Variants in FANCA observed in about 807,000 individuals in gnomAD.
FANCA encodes the protein Fanconi anemia group A protein.
A neutral mutation model predicts 194.3 loss-of-function variants in FANCA; 236 were observed. The observed-to-expected ratio is 1.21, with a 90% CI of 1.09 to 1.35. The LOEUF (loss-of-function observed/expected upper bound fraction) is 1.35, where lower values mean the gene tolerates loss of function less well. Ranked by LOEUF, FANCA falls within the 40% of genes most tolerant of loss-of-function variation. The pLI is 0.00. For missense variants in FANCA, 2,628 were observed against 1,813.9 expected, an observed-to-expected ratio of 1.45 and a Z score of -8.15; for synonymous variants, 1,014 against 715.8, an observed-to-expected ratio of 1.42 and a Z score of -6.65.
chr16:89,770,365 C>T (rs2039282327), intron 24 of FANCA, 106 bp from the exon 25 acceptor site: 6 of 1,160,362 alleles, frequency 5.2e-6, no homozygotes, highest in African/African-American at 1.5e-5. Flanking sequence ...AAGCTGTTCC[C>T]CAAAACAGTG....
rs780078944 is a variant in FANCA at position 89,774,729 on chromosome 16, C to CAAAA, written c.1900+1009_1900+1012dup. Among the ~76,000 whole-genome samples the CAAAA allele has an allele frequency of 8.1e-4, 18 of 22,180 alleles. 1 individual carries two copies. Among genetic ancestry groups the CAAAA allele is most frequent in the African/African-American group, 1.8e-3 (11 of 6,184 alleles). 14.6% of individuals were successfully genotyped at this position (22,180 alleles called of 152,430 possible). On this transcript the variant is annotated intron_variant, in intron 21 of 42. Transcript: ENST00000389301. The stretch of plus-strand genomic sequence containing the variant: ...TGGGCAACAGAGCGAGACTCTGTCT[C>CAAAA]AAAAAAAAAAAAAAAAAAAAAAAAA...
chr16:89,769,942 T>C lies in FANCA; in HGVS notation c.2399A>G (p.Glu800Gly), dbSNP rs2039264657. The C allele has an allele frequency of 3.1e-6, 5 of 1,613,980 alleles. No individual in the cohort carries two copies. Among genetic ancestry groups the C allele is most frequent in the Non-Finnish European group, 4.2e-6 (5 of 1,179,982 alleles). Residue 800 changes from glutamate (E) to glycine (G), a missense_variant, in exon 26 of 43, where the codon GAG (glutamate) becomes GGG (glycine). Coordinates refer to ENST00000389301, the MANE Select transcript of FANCA (RefSeq NM_000135.4). ...AGGTGCAGGAGGACCCACATCCACC[T>C]CTGGGAGCGCAGACCTGGACTCACC... ...HLGESRSALP[E>G]VDVGPPAPGA...
At position 89,791,118 on chromosome 16, in the gene FANCA, G is replaced by A. The variant is rs1396100274; in HGVS notation, c.1359+285C>T. ...AATTTTCTTATAAAAGACAGCAGGA[G>A]GCTCCGTCAACTAAGTGAGACAGAA... On this transcript the variant is annotated intron_variant, in intron 14 of 42. Coordinates refer to ENST00000389301, the MANE Select transcript of FANCA (RefSeq NM_000135.4). The A allele has an allele frequency of 1.3e-5, 6 of 471,442 alleles. No individual in the cohort carries two copies. The Admixed American group carries it at 2.0e-4, about 16-fold the overall frequency. 29.2% of individuals were successfully genotyped at this position (471,442 alleles called of 1,614,324 possible).
chr16:89,779,019 G>A lies in FANCA; in HGVS notation c.1716-16C>T, dbSNP rs942124383. On this transcript the variant is annotated splice_polypyrimidine_tract_variant and intron_variant, in intron 18 of 42. Transcript: ENST00000389301. ...CCTGAATATGCTGCAACACAGAGAAGCAGACAGTGCATCAGTCAGAGCAGC... is the reference window on the plus strand; with the variant it reads ...CCTGAATATGCTGCAACACAGAGAAACAGACAGTGCATCAGTCAGAGCAGC... The A allele has an allele frequency of 3.1e-6, 5 of 1,612,256 alleles. No individual in the cohort carries two copies. The highest frequency in any genetic ancestry group is 4.2e-6 in the Non-Finnish European group (5 of 1,179,584).
intron 2 of FANCA, among the ~76,000 whole-genome samples, chr16:89,814,885 G>A (rs1170860569): frequency 6.6e-6 from 1 of 151,944 alleles, no homozygotes; most frequent in African/African-American, 2.4e-5. Flanking sequence ...AGGCTGCAGT[G>A]AGCCGAGATC....
rs200403206 is a variant in FANCA, at chr16:89,770,654, A to T, written c.2152-20T>A. On this transcript the variant is annotated intron_variant, in intron 23 of 42. Transcript: ENST00000389301. ...CACAGCCTGCAGAGACACAGTTCTC[A>T]TGAGCGTGGTGTCCTGGGGACGGGA... is the stretch of plus-strand genomic sequence containing the variant. 175 of 1,590,898 alleles carry T rather than the reference A, an allele frequency of 1.1e-4. 1 individual carries two copies. The highest frequency in any genetic ancestry group is 3.6e-5 in the Non-Finnish European group (42 of 1,167,086).
chr16:89,777,882 C>G (rs946725123), intron 20 of FANCA, among the ~76,000 whole-genome samples: 12 of 152,022 alleles, frequency 7.9e-5, no homozygotes, highest in African/African-American at 2.2e-4. Flanking sequence ...AATGATGCAG[C>G]CGGGTGCGGT....
intron 30 of FANCA, among the ~76,000 whole-genome samples, chr16:89,753,194 C>T (rs963410706): frequency 3.9e-5 from 6 of 152,236 alleles, no homozygotes; most frequent in African/African-American, 1.4e-4. Context: ...GACGGGCCCC[C>T]TGTCCAGTGG....
chr16:89,790,871 C>T (rs955440375), intron 14 of FANCA, among the ~76,000 whole-genome samples: 1 of 151,826 alleles, frequency 6.6e-6, no homozygotes, highest in Non-Finnish European at 1.5e-5. Flanking sequence ...CTTCTGTCAC[C>T]CAGGCTGGCG....
At chr16:89,796,459 C>T (rs943948293) in intron 10 of FANCA, among the ~76,000 whole-genome samples, 1 of 152,176 alleles carries the variant, frequency 6.6e-6, no homozygotes, top group African/African-American at 2.4e-5. Flanking sequence ...GGGCCTCAAA[C>T]AGTCACAACA....
At chr16:89,782,765 A>C in intron 17 of FANCA, 94 bp downstream of exon 17, 1 of 1,122,598 alleles carries the variant, frequency 8.9e-7, no homozygotes, top group Admixed American at 1.8e-5. Flanking sequence ...GAGACTGGGA[A>C]GGCTGAAAAA....
intron 21 of FANCA, among the ~76,000 whole-genome samples, chr16:89,775,484 G>A (rs2039469315): frequency 6.6e-6 from 1 of 152,240 alleles, no homozygotes; most frequent in Admixed American, 6.5e-5. Context: ...AAGATGACGA[G>A]TGACAAAGTG....
chr16:89,805,576 A>G (rs1198670574), intron 6 of FANCA, among the ~76,000 whole-genome samples, 184 bp from the exon 7 acceptor site: 1 of 151,918 alleles, frequency 6.6e-6, no homozygotes, highest in Non-Finnish European at 1.5e-5. Flanking sequence ...CTTCCACCTC[A>G]GCCTCCTGAG....
At chr16:89,772,892 A>G (rs2039372243) in intron 22 of FANCA, among the ~76,000 whole-genome samples, 1 of 152,142 alleles carries the variant, frequency 6.6e-6, no homozygotes, top group East Asian at 1.9e-4. Flanking sequence ...GATTTTACAG[A>G]AAACCATCAC....
intron 1 of FANCA, 188 bp downstream of exon 1, chr16:89,816,349 C>T: frequency 3.1e-6 from 1 of 318,906 alleles, no homozygotes; most frequent in Non-Finnish European, 5.5e-6. Context: ...GGCGTCCGCC[C>T]AGGCGCAGGA....
In FANCA at chr16:89,808,312, A is replaced by T. The variant is rs543138994; in HGVS notation, c.578T>A (p.Leu193Gln). The change falls in exon 6 of 43, where the codon CTG becomes CAG. Residue 193 changes from leucine (L) to glutamine (Q), a missense_variant. Coordinates refer to ENST00000389301, the MANE Select transcript of FANCA (RefSeq NM_000135.4). ...WHLHVQGIVS[L>Q]QELLESHPDM... ...ACGCTACCTTTCCAGCAGCTCTTGC[A>T]GGCTCACAATGCCTTGTACGTGAAG... 6.2e-7 allele frequency: 1 copy of T among 1,614,146 alleles called. No homozygotes were observed. Among genetic ancestry groups the T allele is most frequent in the African/African-American group, 1.3e-5 (1 of 75,046 alleles).
At chr16:89,752,811 A>G (rs2143170001) in intron 30 of FANCA, among the ~76,000 whole-genome samples, 1 of 152,322 alleles carries the variant, frequency 6.6e-6, no homozygotes, top group East Asian at 1.9e-4. Context: ...CCCGTCACCA[A>G]GCGGATCGTG....
In FANCA at chr16:89,787,726, G is replaced by C. The variant is rs144723221; in HGVS notation, c.1360-2762C>G. On this transcript the variant is annotated intron_variant, in intron 14 of 42. Coordinates refer to ENST00000389301, the MANE Select transcript of FANCA (RefSeq NM_000135.4). Reference sequence around the variant, plus strand: ...ATCCCAGCCTGGGAGACAGAACAGAGACCTTGCCTCAAAAAAACAAACAAA... The same window carrying C: ...ATCCCAGCCTGGGAGACAGAACAGACACCTTGCCTCAAAAAAACAAACAAA... Among the ~76,000 whole-genome samples the C allele has an allele frequency of 4.7e-3, 708 of 151,856 alleles. 8 individuals are homozygous for C. Among genetic ancestry groups the C allele is most frequent in the African/African-American group, 0.016 (647 of 41,388 alleles).
intron 23 of FANCA, 70 bp downstream of exon 23, chr16:89,771,608 T>C: frequency 1.9e-6 from 3 of 1,553,694 alleles, no homozygotes; most frequent in East Asian, 2.3e-5. Flanking sequence ...GAAGGCTCCA[T>C]GCGTCTAATG....
Sources: gnomAD v4.1 joint callset for allele counts (sites outside exome capture counted in the v4.1 genomes callset) on GRCh38, gnomAD v4.1.1 for gene constraint, MANE v1.5 for transcripts, NCBI Gene and HGNC (gene_info 2026-07-23, HGNC 2026-07-21) for gene names.